Variants in DOP1A observed in about 807,000 individuals in gnomAD.
DOP1A encodes the protein protein DOP1A.
A neutral mutation model predicts 267.6 loss-of-function variants in DOP1A; 90 were observed. That is an observed-to-expected ratio of 0.34 (90% CI 0.28 to 0.40). The LOEUF is 0.40. DOP1A is among the 10% of genes least tolerant of loss of function. DOP1A has a pLI of 1.00. For synonymous variants in DOP1A, 932 were observed against 999.1 expected (o/e 0.93, Z 1.27); for missense variants, 2,437 against 2,900.4 (o/e 0.84, Z 3.67).
chr6:83,109,334 G>A (rs537235838), intron 5 of DOP1A, among the ~76,000 whole-genome samples: 3 of 152,246 alleles, frequency 2.0e-5, no homozygotes, highest in African/African-American at 7.2e-5. Flanking sequence ...TACAGACACT[G>A]AGCTTAGGGA....
chr6:83,124,541 A>G (rs1311411360), intron 12 of DOP1A, among the ~76,000 whole-genome samples, 164 bp from the exon 13 acceptor site: 1 of 152,144 alleles, frequency 6.6e-6, no homozygotes, highest in East Asian at 1.9e-4. Context: ...AGAATTTTCC[A>G]TGAAGAGGTA....
intron 24 of DOP1A, among the ~76,000 whole-genome samples, chr6:83,142,761 TCTA>T (rs915837099): frequency 3.9e-5 from 6 of 152,084 alleles, no homozygotes; most frequent in African/African-American, 9.7e-5. Flanking sequence ...AATTTTTTTT[TCTA>T]CTTTTTTTGG....
intron 38 of DOP1A, chr6:83,165,767 T>C: frequency 4.1e-6 from 1 of 246,410 alleles, no homozygotes; most frequent in Non-Finnish European, 8.5e-6. Context: ...GAAGCGTTGG[T>C]TGTGCAACGT....
Position 83,110,262 on chromosome 6 carries a change from A to C in DOP1A, c.629A>C (p.Lys210Thr). The C allele has an allele frequency of 6.2e-7, 1 of 1,614,036 alleles. No individual in the cohort carries two copies. Among genetic ancestry groups the C allele is most frequent in the Non-Finnish European group, 8.5e-7 (1 of 1,179,966 alleles). The change falls in exon 6 of 39, where the codon AAG becomes ACG. Residue 210 changes from lysine (K) to threonine (T), a missense_variant. By Grantham distance (78) the Lys-to-Thr change is moderately conservative. Around this residue, in one of 9 missense-constraint regions of DOP1A, gnomAD observed 251 missense variants for 359.1 expected, o/e 0.70. Transcript: ENST00000349129. ...TATGTTCTTGCCCATTTAAACAGGAAGCTTTCTATGGAAGATCAACTTTAT... is the reference window on the plus strand; with the variant it reads ...TATGTTCTTGCCCATTTAAACAGGACGCTTTCTATGGAAGATCAACTTTAT... ...ITYVLAHLNR[K>T]LSMEDQLYII...
intron 28 of DOP1A, 61 bp from the exon 29 acceptor site, chr6:83,151,822 G>T: frequency 5.3e-6 from 8 of 1,519,830 alleles, no homozygotes; most frequent in Non-Finnish European, 6.3e-6. Flanking sequence ...ATAAACTACA[G>T]AAGTTCATAA....
chr6:83,131,833 C>A (rs1421929031), intron 17 of DOP1A, among the ~76,000 whole-genome samples: 1 of 151,940 alleles, frequency 6.6e-6, no homozygotes, highest in African/African-American at 2.4e-5. Context: ...GACAAGGTTT[C>A]GCCACGTTGG....
chr6:83,122,690 C>A (rs1006389066), intron 11 of DOP1A, among the ~76,000 whole-genome samples, 173 bp from the exon 12 acceptor site: 1 of 151,850 alleles, frequency 6.6e-6, no homozygotes, highest in African/African-American at 2.4e-5. Context: ...AAAATAACTG[C>A]CCATAAAATG....
At chr6:83,125,282 G>T (rs917439414) in intron 14 of DOP1A, 87 bp downstream of exon 14, 1 of 1,332,940 alleles carries the variant, frequency 7.5e-7, no homozygotes, top group South Asian at 1.4e-5. Flanking sequence ...ATAAAACTGG[G>T]GTTATTTTAT....
chr6:83,134,249 T>A lies in DOP1A; in HGVS notation c.2832T>A (p.His944Gln), dbSNP rs78707764. The change falls in exon 19 of 39, where the codon CAT (histidine) becomes CAA (glutamine). Residue 944 changes from histidine (H) to glutamine (Q), a missense_variant. Physicochemically the swap from His to Gln is conservative, Grantham distance 24. This residue lies in a region of DOP1A where 878 missense variants were observed against 992.9 expected (regional missense o/e 0.88). Coordinates refer to ENST00000349129, the MANE Select transcript of DOP1A (RefSeq NM_015018.4). ...TTTGGCATCTAACGAGAGATCTCCA[T>A]ATAAATAAATCTTCATCTTTTGTAC... ...AVLWHLTRDL[H>Q]INKSSSFVRS... is the part of the protein sequence containing the mutation. 8.7e-6 allele frequency: 14 copies of A among 1,612,582 alleles called. No individual in the cohort carries two copies. The highest frequency in any genetic ancestry group is 1.2e-5 in the Non-Finnish European group (14 of 1,179,266).
In DOP1A at chr6:83,158,735, T is replaced by G; in HGVS notation, c.6797+113T>G. 4 of 737,480 alleles carry G rather than the reference T, an allele frequency of 5.4e-6. No homozygotes were observed. The Admixed American group carries it at 1.2e-4, about 23-fold the overall frequency. 45.7% of individuals were successfully genotyped at this position (737,480 alleles called of 1,614,324 possible). On this transcript the variant is annotated intron_variant, in intron 36 of 38. Transcript: ENST00000349129. ...CTTTTTCTGAATACTTATTTATTAT[T>G]ATCTAATTGATTACGTTTGGATATA...
At chr6:83,152,408 G>T in intron 30 of DOP1A, 41 bp downstream of exon 30, 1 of 922,294 alleles carries the variant, frequency 1.1e-6, no homozygotes, top group Non-Finnish European at 1.6e-6. Context: ...CAAGTAGACT[G>T]TTTCATTATT....
intron 18 of DOP1A, among the ~76,000 whole-genome samples, 191 bp downstream of exon 18, chr6:83,132,519 A>G (rs980134902): frequency 6.6e-6 from 1 of 152,158 alleles, no homozygotes; most frequent in Non-Finnish European, 1.5e-5. Flanking sequence ...AAAGTTCTTT[A>G]CAAAAGCATC....
At chr6:83,113,750 T>C (rs1481699831) in intron 7 of DOP1A, among the ~76,000 whole-genome samples, 4 of 152,232 alleles carry the variant, frequency 2.6e-5, no homozygotes, top group Admixed American at 6.5e-5. Context: ...ACTGGTGTTA[T>C]GTTATCTTGT....
chr6:83,088,418 T>C (rs1209025522), intron 1 of DOP1A, among the ~76,000 whole-genome samples: 1 of 142,986 alleles, frequency 7.0e-6, no homozygotes, highest in Non-Finnish European at 1.5e-5. Context: ...TTGTCTTCCA[T>C]CTTTTTTTTT....
intron 16 of DOP1A, 133 bp downstream of exon 16, chr6:83,129,641 A>T (rs12206259): frequency 3.5e-5 from 30 of 862,178 alleles, no homozygotes; most frequent in Non-Finnish European, 3.9e-5. Flanking sequence ...AAGTTTTTTT[A>T]AAAATGAAAT....
intron 1 of DOP1A, among the ~76,000 whole-genome samples, chr6:83,093,591 A>G (rs1770872685): frequency 6.6e-6 from 1 of 152,202 alleles, no homozygotes; most frequent in Admixed American, 6.5e-5. Flanking sequence ...ATATATTTTG[A>G]GTATGCAGTT....
chr6:83,158,679 G>C (rs543241330), intron 36 of DOP1A, 57 bp downstream of exon 36: 1 of 1,184,992 alleles, frequency 8.4e-7, no homozygotes, highest in South Asian at 1.3e-5. Context: ...AAATTATTCA[G>C]AATATTACTC....
rs1047228997 is a variant in DOP1A at position 83,153,556 on chromosome 6, G to T, written c.6175G>T (p.Glu2059Ter). 1 of 1,610,000 alleles carries T rather than the reference G, an allele frequency of 6.2e-7. No individual in the cohort carries two copies. The highest frequency in any genetic ancestry group is 1.3e-5 in the African/African-American group (1 of 74,738). ...TATGGTTTTCTATAGTGATGAAAAG[G>T]AGCGGGTTATTCCTTTACTTGTAAA... Reference protein sequence around the residue: ...LDMVFYSDEKERVIPLLVNIM... With the variant: ...LDMVFYSDEK The change falls in exon 31 of 39, where the codon GAG becomes TAG. Residue 2059 changes from glutamate (E) to a stop codon, truncating the protein, a stop_gained. Coordinates refer to ENST00000349129, the MANE Select transcript of DOP1A (RefSeq NM_015018.4). LOFTEE classifies it high-confidence loss of function.
chr6:83,107,647 G>GAGA (rs1773865172), intron 4 of DOP1A, among the ~76,000 whole-genome samples: 1 of 152,224 alleles, frequency 6.6e-6, no homozygotes, highest in South Asian at 2.1e-4. Flanking sequence ...TGGGTACTAT[G>GAGA]AGAACATCAA....
Sources: allele counts gnomAD v4.1 joint callset (sites outside exome capture counted in the v4.1 genomes callset), GRCh38; gene constraint gnomAD v4.1.1; regional missense constraint gnomAD v4.1.1; transcripts MANE v1.5; gene names NCBI Gene and HGNC (gene_info 2026-07-23, HGNC 2026-07-21).